EXOC4: variants seen among roughly 807,000 people sequenced by gnomAD.
EXOC4 encodes exocyst complex component 4.
EXOC4 carries 71 observed loss-of-function variants against 107.2 expected under a neutral mutation model. The ratio of observed to expected loss-of-function variants is 0.66; its 90% CI spans 0.55 to 0.81. The LOEUF is 0.81. EXOC4 is among the 30% of genes least tolerant of loss of function. EXOC4 has a pLI of 0.00. For synonymous variants in EXOC4, 456 were observed against 441.2 expected (o/e 1.03, Z -0.42); for missense variants, 1,108 against 1,189.6 (o/e 0.93, Z 1.01).
At chr7:133,324,831 T>A (rs973446602) in intron 5 of EXOC4, among the ~76,000 whole-genome samples, 1 of 152,324 alleles carries the variant, frequency 6.6e-6, no homozygotes, top group South Asian at 2.1e-4. Context: ...CCCATTATTA[T>A]TGTGTGGGAG....
chr7:133,643,624 C>T (rs538000182), intron 10 of EXOC4, among the ~76,000 whole-genome samples: 153 of 152,256 alleles, frequency 1.0e-3, no homozygotes, highest in Non-Finnish European at 1.9e-3. Context: ...TAACATAATA[C>T]AACTATCCTT....
At chr7:133,704,950 A>T (rs1794736838) in intron 10 of EXOC4, among the ~76,000 whole-genome samples, 1 of 152,240 alleles carries the variant, frequency 6.6e-6, no homozygotes, top group African/African-American at 2.4e-5. Flanking sequence ...ATAATTTCAC[A>T]GATTTGTTCT....
At chr7:133,617,034 A>G (rs1802209413) in intron 9 of EXOC4, among the ~76,000 whole-genome samples, 2 of 152,168 alleles carry the variant, frequency 1.3e-5, no homozygotes, top group South Asian at 4.1e-4. Context: ...CGTATACTTT[A>G]TGTCAAAGTT....
rs779337794 is a variant in EXOC4, at chr7:133,306,081, A to C, written c.656+20A>C. On this transcript the variant is annotated intron_variant, in intron 4 of 17. Coordinates refer to ENST00000253861, the MANE Select transcript of EXOC4 (RefSeq NM_021807.4). ...AATCAGGTTAAAGAGGCTCTTTGCT[A>C]TAAGTGTCTTGTGGCAGTGTAGGAT... 1 of 1,592,858 alleles carries C rather than the reference A, an allele frequency of 6.3e-7. No individual in the cohort carries two copies. Among genetic ancestry groups the C allele is most frequent in the South Asian group, 1.1e-5 (1 of 88,504 alleles).
the EXOC4 span, among the ~76,000 whole-genome samples, chr7:134,086,786 G>C: frequency 6.6e-6 from 1 of 152,190 alleles, no homozygotes; most frequent in South Asian, 2.1e-4. Context: ...TCCATAGACA[G>C]AGCAGCCACA....
chr7:133,819,106 T>C (rs1449912101), intron 11 of EXOC4, among the ~76,000 whole-genome samples: 2 of 152,086 alleles, frequency 1.3e-5, no homozygotes, highest in Non-Finnish European at 2.9e-5. Context: ...GCTCCAGCTC[T>C]CACTGGACTC....
the EXOC4 span, among the ~76,000 whole-genome samples, chr7:134,074,170 C>G: frequency 6.6e-6 from 1 of 152,196 alleles, no homozygotes; most frequent in Non-Finnish European, 1.5e-5. Context: ...GGGCAGTTCT[C>G]TCCTCTTTCC....
At chr7:133,929,863 T>C (rs1163707954) in intron 13 of EXOC4, among the ~76,000 whole-genome samples, 1 of 152,132 alleles carries the variant, frequency 6.6e-6, no homozygotes, top group Non-Finnish European at 1.5e-5. Flanking sequence ...TCATCCCTTC[T>C]CTTCTCTATT....
intron 9 of EXOC4, among the ~76,000 whole-genome samples, chr7:133,570,924 A>C (rs898531253): frequency 3.9e-5 from 6 of 152,204 alleles, no homozygotes; most frequent in Admixed American, 2.6e-4. Flanking sequence ...GCTACTTAAT[A>C]TTTGAAAATT....
At chr7:133,705,709 A>T (rs1196661560) in intron 10 of EXOC4, among the ~76,000 whole-genome samples, 1 of 152,200 alleles carries the variant, frequency 6.6e-6, no homozygotes, top group East Asian at 1.9e-4. Flanking sequence ...TGACTTCATA[A>T]TCGAGATGGC....
At chr7:133,319,780 A>G (rs1795070384) in intron 5 of EXOC4, among the ~76,000 whole-genome samples, 1 of 150,730 alleles carries the variant, frequency 6.6e-6, no homozygotes, top group Non-Finnish European at 1.5e-5. Flanking sequence ...ATGCCTGGCC[A>G]GACGTTTCTT....
intron 10 of EXOC4, among the ~76,000 whole-genome samples, chr7:133,783,967 T>G (rs527584899): frequency 1.3e-5 from 2 of 152,286 alleles, no homozygotes; most frequent in South Asian, 4.1e-4. Context: ...GCATGTAATA[T>G]ATTATATTCC....
intron 14 of EXOC4, among the ~76,000 whole-genome samples, chr7:133,971,405 G>GAA (rs1801233951): frequency 7.2e-6 from 1 of 139,436 alleles, no homozygotes. Context: ...GAGAGAGAAA[G>GAA]AGAGAGAGAA....
chr7:133,448,769 T>A (rs1798275641), intron 7 of EXOC4, among the ~76,000 whole-genome samples: 1 of 152,134 alleles, frequency 6.6e-6, no homozygotes, highest in Admixed American at 6.6e-5. Flanking sequence ...TCATACTGAA[T>A]TAAATTGGGT....
rs536866027 is a variant in EXOC4, at chr7:133,757,455, G to A, written c.1515-59870G>A. On this transcript the variant is annotated intron_variant, in intron 10 of 17. Coordinates refer to ENST00000253861, the MANE Select transcript of EXOC4 (RefSeq NM_021807.4). ...TGGAAGTGTCCAGGTTGAGATGAGA[G>A]AGAGGAATGTTAGACAGCCCTTTTC... 8.5e-5 allele frequency among the ~76,000 whole-genome samples: 13 copies of A among 152,338 alleles called. No homozygotes were observed. In the South Asian group the frequency reaches 2.3e-3, roughly 27 times the overall value.
intron 14 of EXOC4, among the ~76,000 whole-genome samples, chr7:133,950,833 A>G (rs908632064): frequency 1.6e-4 from 24 of 152,232 alleles, no homozygotes; most frequent in Admixed American, 5.9e-4. Flanking sequence ...GAGACAGGAG[A>G]TGCCTGTCAC....
Position 133,356,508 on chromosome 7 carries a change from T to C in EXOC4, c.942T>C (p.Ser314=). The change falls in exon 6 of 18, where the codon TCT becomes TCC. Residue 314 remains serine (S), a synonymous_variant. Transcript: ENST00000253861. ...EQELKQIVKR[S]TTQVADSGYQ... Reference sequence around the variant, plus strand: ...AGTTGAAGCAAATTGTGAAGAGGTCTACAACCCAGGTGGCAGACAGTGGCT... The same window carrying C: ...AGTTGAAGCAAATTGTGAAGAGGTCCACAACCCAGGTGGCAGACAGTGGCT... The C allele has an allele frequency of 1.2e-6, 2 of 1,614,114 alleles. No individual in the cohort carries two copies. Among genetic ancestry groups the C allele is most frequent in the Non-Finnish European group, 1.7e-6 (2 of 1,180,002 alleles).
At chr7:134,030,218 C>T (rs1182000854) in intron 17 of EXOC4, among the ~76,000 whole-genome samples, 1 of 152,156 alleles carries the variant, frequency 6.6e-6, no homozygotes, top group African/African-American at 2.4e-5. Context: ...AAGATGCCCT[C>T]CTAGGTATAT....
At chr7:133,416,995 C>T (rs1036003598) in intron 7 of EXOC4, among the ~76,000 whole-genome samples, 5 of 152,076 alleles carry the variant, frequency 3.3e-5, no homozygotes, top group Non-Finnish European at 2.9e-5. Context: ...AATGCATTGT[C>T]TAACAACATT....
Sources: gnomAD v4.1 joint callset for allele counts (sites outside exome capture counted in the v4.1 genomes callset) on GRCh38, gnomAD v4.1.1 for gene constraint, MANE v1.5 for transcripts, NCBI Gene and HGNC (gene_info 2026-07-23, HGNC 2026-07-21) for gene names.